The following IFT74 variants were observed in gnomAD, a reference collection of about 807,000 sequenced individuals.
The protein encoded by IFT74 is intraflagellar transport 74, also known as intraflagellar transport protein 74 homolog.
In IFT74, 92 loss-of-function variants were observed where a neutral mutation model predicts 96.7. That is an observed-to-expected ratio of 0.95 (90% CI 0.80 to 1.13). The LOEUF (loss-of-function observed/expected upper bound fraction) is 1.13, where lower values mean the gene tolerates loss of function less well. Ranked by LOEUF, IFT74 falls within the 50% of genes most tolerant of loss-of-function variation. The probability of loss-of-function intolerance (pLI) is 0.00; values close to 1 mark genes in which losing one functional copy is unlikely to be tolerated. For synonymous variants in IFT74, 223 were observed against 213.2 expected (o/e 1.05, Z -0.40); for missense variants, 811 against 698.2 (o/e 1.16, Z -1.82).
chr9:26,972,211 C>T (rs1432583990), intron 2 of IFT74, among the ~76,000 whole-genome samples: 1 of 151,952 alleles, frequency 6.6e-6, no homozygotes, highest in Non-Finnish European at 1.5e-5. Context: ...TTTTTTTTAA[C>T]AGAATGGTCT....
At chr9:27,021,687 T>C (rs1359701236) in intron 12 of IFT74, among the ~76,000 whole-genome samples, 1 of 152,188 alleles carries the variant, frequency 6.6e-6, no homozygotes, top group African/African-American at 2.4e-5. Context: ...GGGATTTTTT[T>C]TTCTTGCTGA....
intron 10 of IFT74, 85 bp downstream of exon 10, chr9:27,012,053 C>A (rs1041726316): frequency 1.3e-6 from 1 of 788,638 alleles, no homozygotes; most frequent in Non-Finnish European, 2.0e-6. Context: ...ACTAATTCAA[C>A]TACATATTGA....
intron 3 of IFT74, among the ~76,000 whole-genome samples, chr9:26,979,039 A>G (rs1312302465): frequency 6.6e-6 from 1 of 152,010 alleles, no homozygotes; most frequent in Non-Finnish European, 1.5e-5. Context: ...CGTTTTCTGT[A>G]TTTTTGACAG....
At chr9:26,991,201 CT>C (rs1182301643) in intron 8 of IFT74, among the ~76,000 whole-genome samples, 1 of 152,126 alleles carries the variant, frequency 6.6e-6, no homozygotes, top group Non-Finnish European at 1.5e-5. Context: ...AAATGTAATT[CT>C]TCTATTGATT....
At chr9:27,010,148 C>T (rs1171118107) in intron 9 of IFT74, among the ~76,000 whole-genome samples, 6 of 151,374 alleles carry the variant, frequency 4.0e-5, no homozygotes, top group Non-Finnish European at 5.9e-5. Context: ...CCACCACGCC[C>T]GGCTGATTTT....
chr9:27,015,333 A>G (rs1456336480), intron 10 of IFT74, among the ~76,000 whole-genome samples: 1 of 151,900 alleles, frequency 6.6e-6, no homozygotes, highest in Non-Finnish European at 1.5e-5. Context: ...TCCTTCTTTC[A>G]TACTTTTAGA....
Position 26,971,121 on chromosome 9 carries a change from C to T in IFT74, c.121-7007C>T, listed in dbSNP as rs112251006. ...AATGCCTTTATAACTGCATTACTAG[C>T]AGTTGCGCTTGAGAAGGAGATAGTC... On this transcript the variant is annotated intron_variant, in intron 2 of 19. Transcript: ENST00000380062. 8.1e-3 allele frequency among the ~76,000 whole-genome samples: 1,230 copies of T among 152,232 alleles called. 19 individuals are homozygous for T. The highest frequency in any genetic ancestry group is 0.028 in the African/African-American group (1,174 of 41,524).
chr9:26,981,132 G>A (rs976455512), intron 4 of IFT74, among the ~76,000 whole-genome samples: 6 of 152,164 alleles, frequency 3.9e-5, no homozygotes, highest in Admixed American at 6.5e-5. Context: ...GGGCAGAGTC[G>A]TCATGTCCTG....
rs1284346380 is a variant in IFT74, at chr9:27,047,330, A to T, written c.1165A>T (p.Ile389Leu). The change falls in exon 15 of 20, where the codon ATA (isoleucine) becomes TTA (leucine). Residue 389 changes from isoleucine (I) to leucine (L), a missense_variant. Ile to Leu is a conservative substitution (Grantham distance 5). Transcript: ENST00000380062. Reference sequence around the variant, plus strand: ...TCAGGAACTGAAACGAAAGGCACAGATAGAAGCCAACATTGTTGCACTCTT... The same window carrying T: ...TCAGGAACTGAAACGAAAGGCACAGTTAGAAGCCAACATTGTTGCACTCTT... ...KNQELKRKAQ[I>L]EANIVALLEH... is the part of the protein sequence containing the mutation. 1 of 1,613,560 alleles carries T rather than the reference A, an allele frequency of 6.2e-7. No homozygotes were observed.
intron 1 of IFT74, among the ~76,000 whole-genome samples, chr9:26,960,841 G>C (rs1826322329): frequency 6.6e-6 from 1 of 151,834 alleles, no homozygotes; most frequent in African/African-American, 2.4e-5. Flanking sequence ...CTGAAATGGA[G>C]TTAAGATCAT....
intron 14 of IFT74, among the ~76,000 whole-genome samples, chr9:27,046,699 A>G (rs775485062): frequency 1.6e-4 from 24 of 152,340 alleles, no homozygotes; most frequent in South Asian, 4.1e-4. Context: ...GGAGATCTTT[A>G]TAAAAGCAAA....
rs73643134 is a variant in IFT74 at position 27,046,289 on chromosome 9, A to G, written c.1109-985A>G. ...AAAATGTTGATTGTGGTCCTCTACC[A>G]CCATATTCAAATAAAAAATGTTTTG... On this transcript the variant is annotated intron_variant, in intron 14 of 19. Coordinates refer to ENST00000380062, the MANE Select transcript of IFT74 (RefSeq NM_025103.4). 8.4e-3 allele frequency among the ~76,000 whole-genome samples: 1,284 copies of G among 152,298 alleles called. 20 individuals carry two copies. The highest frequency in any genetic ancestry group is 0.029 in the African/African-American group (1,219 of 41,576).
Position 27,063,894 on chromosome 9 carries a change from C to G in IFT74, c.*1158C>G, listed in dbSNP as rs115651717. On this transcript the variant is annotated 3_prime_UTR_variant, in exon 20 of 20. Coordinates refer to ENST00000380062, the MANE Select transcript of IFT74 (RefSeq NM_025103.4). Reference sequence around the variant, plus strand: ...AATATGGCTGAAGATCCTGGACATTCATTAAGGTAGCATTCATAAAATGTG... The same window carrying G: ...AATATGGCTGAAGATCCTGGACATTGATTAAGGTAGCATTCATAAAATGTG... 3.4e-3 allele frequency among the ~76,000 whole-genome samples: 513 copies of G among 152,190 alleles called. 5 individuals carry two copies. Among genetic ancestry groups the G allele is most frequent in the African/African-American group, 0.012 (493 of 41,544 alleles).
chr9:27,046,574 A>G (rs1819709689), intron 14 of IFT74, among the ~76,000 whole-genome samples: 1 of 152,226 alleles, frequency 6.6e-6, no homozygotes, highest in South Asian at 2.1e-4. Context: ...TTTAGTTGAA[A>G]TGAATCCAGC....
intron 16 of IFT74, 92 bp from the exon 17 acceptor site, chr9:27,055,516 TA>T: frequency 1.2e-6 from 1 of 849,670 alleles, no homozygotes; most frequent in Non-Finnish European, 1.8e-6. Flanking sequence ...CAGATATTCT[TA>T]AAAAACATGA....
chr9:26,966,753 A>G (rs1265765893), intron 2 of IFT74, among the ~76,000 whole-genome samples: 1 of 152,040 alleles, frequency 6.6e-6, no homozygotes, highest in African/African-American at 2.4e-5. Context: ...GCTTAGACCA[A>G]TGTTCTGGAT....
At chr9:27,031,785 T>TAAAA (rs1830141094) in intron 13 of IFT74, among the ~76,000 whole-genome samples, 3 of 135,622 alleles carry the variant, frequency 2.2e-5, no homozygotes, top group East Asian at 2.2e-4. Flanking sequence ...ATAAAATAAA[T>TAAAA]AAAATAAAAT....
rs1019109145 is a variant in IFT74, at chr9:27,009,005, T to C, written c.588-15T>C. 7 of 1,603,934 alleles carry C rather than the reference T, an allele frequency of 4.4e-6. No homozygotes were observed. Among genetic ancestry groups the C allele is most frequent in the African/African-American group, 2.7e-5 (2 of 74,508 alleles). ...TCAATATAGTATCAGGAATATTACG[T>C]GCTTCTGATTTTAGGAAAGAAAAAC... is the stretch of plus-strand genomic sequence containing the variant. On this transcript the variant is annotated splice_polypyrimidine_tract_variant and intron_variant, in intron 8 of 19. Coordinates refer to ENST00000380062, the MANE Select transcript of IFT74 (RefSeq NM_025103.4).
chr9:26,984,582 A>G (rs1827553482), intron 6 of IFT74, 23 bp downstream of exon 6: 2 of 1,559,266 alleles, frequency 1.3e-6, no homozygotes. Context: ...TTCTAAGAGA[A>G]TTTACTGTTA....
Sources: gnomAD v4.1 joint callset for allele counts (sites outside exome capture counted in the v4.1 genomes callset) on GRCh38, gnomAD v4.1.1 for gene constraint, MANE v1.5 for transcripts, NCBI Gene and HGNC (gene_info 2026-07-23, HGNC 2026-07-21) for gene names.